The following SASH1 variants were observed in gnomAD, a reference collection of about 807,000 sequenced individuals.
The protein encoded by SASH1 is SAM and SH3 domain containing 1, also known as SAM and SH3 domain-containing protein 1.
In SASH1, 44 loss-of-function variants were observed where a neutral mutation model predicts 125.2. That is an observed-to-expected ratio of 0.35 (90% CI 0.28 to 0.45). The LOEUF is 0.45. SASH1 is among the 20% of genes least tolerant of loss of function. The probability of loss-of-function intolerance (pLI) is 1.00; values close to 1 mark genes in which losing one functional copy is unlikely to be tolerated. For missense variants in SASH1, 1,426 were observed against 1,614.5 expected (o/e 0.88, Z 2.00); for synonymous variants, 639 against 649.1 (o/e 0.98, Z 0.24).
intron 8 of SASH1, chr6:148,512,881 C>T (rs1398761581): frequency 1.6e-5 from 16 of 984,948 alleles, no homozygotes; most frequent in Admixed American, 6.2e-5. Context: ...TATAGTTAAC[C>T]ATAAGTGGGT....
At chr6:148,310,654 A>G (rs1474610155) in intron 1 of SASH1, among the ~76,000 whole-genome samples, 7 of 152,246 alleles carry the variant, frequency 4.6e-5, no homozygotes, top group Non-Finnish European at 1.0e-4. Flanking sequence ...TTGTATCCAG[A>G]ATATATATTC....
chr6:148,306,939 G>C (rs1276433928), intron 1 of SASH1, among the ~76,000 whole-genome samples: 2 of 152,008 alleles, frequency 1.3e-5, no homozygotes, highest in South Asian at 4.1e-4. Flanking sequence ...AAACATATAG[G>C]GTGACAGTTC....
the SASH1 span, among the ~76,000 whole-genome samples, chr6:148,253,996 A>G: frequency 1.0e-3 from 153 of 152,304 alleles, 1 homozygote; most frequent in Admixed American, 1.7e-3. Flanking sequence ...ACCTGAGGTC[A>G]GGAGTTCAAG....
chr6:148,404,810 C>A (rs1213217076), intron 2 of SASH1, among the ~76,000 whole-genome samples: 1 of 143,796 alleles, frequency 7.0e-6, no homozygotes, highest in Non-Finnish European at 1.5e-5. Context: ...CAACACCCCA[C>A]CCCCAGCCCC....
intron 1 of SASH1, among the ~76,000 whole-genome samples, chr6:148,382,305 A>G (rs1014184452): frequency 1.3e-5 from 2 of 152,000 alleles, no homozygotes; most frequent in African/African-American, 4.8e-5. Flanking sequence ...TCCATTGTGA[A>G]GAGTGTGACG....
chr6:148,385,529 CT>C (rs1349123098), intron 1 of SASH1, among the ~76,000 whole-genome samples: 1 of 152,106 alleles, frequency 6.6e-6, no homozygotes, highest in Admixed American at 6.5e-5. Flanking sequence ...GCTGGCCACT[CT>C]AGGTAGCTTC....
the SASH1 span, among the ~76,000 whole-genome samples, chr6:148,193,602 G>A: frequency 6.6e-6 from 1 of 152,194 alleles, no homozygotes; most frequent in Non-Finnish European, 1.5e-5. Flanking sequence ...TACAAGGGAA[G>A]CTGAGTTTTG....
the SASH1 span, among the ~76,000 whole-genome samples, chr6:148,256,469 T>C: frequency 6.6e-6 from 1 of 152,220 alleles, no homozygotes; most frequent in African/African-American, 2.4e-5. Context: ...TTCTTAAATA[T>C]CCTTAAATGG....
rs1353869940 is a variant in SASH1 at position 148,358,736 on chromosome 6, T to C, written c.156+15513T>C. ...TGTTTCCTAATGCCATGTTTTTGTT[T>C]TTTTTTTTTTTTTTTTTGAGACGGA... On this transcript the variant is annotated intron_variant, in intron 1 of 19. Coordinates refer to ENST00000367467, the MANE Select transcript of SASH1 (RefSeq NM_015278.5). Among the ~76,000 whole-genome samples, 42 of 143,208 alleles carry C rather than the reference T, an allele frequency of 2.9e-4. 1 individual carries two copies. Among genetic ancestry groups the C allele is most frequent in the African/African-American group, 1.1e-3 (42 of 38,772 alleles). The allele number at this position is 143,208 out of a possible 152,430, so 94.0% of individuals were successfully genotyped here. A position where few individuals can be genotyped will look rare whatever the true frequency, so the allele number is the denominator to read the frequency against.
chr6:148,393,876 T>TTC lies in SASH1; in HGVS notation c.285+3626_285+3627dup, dbSNP rs201347024. On this transcript the variant is annotated intron_variant, in intron 2 of 19. Coordinates refer to ENST00000367467, the MANE Select transcript of SASH1 (RefSeq NM_015278.5). ...AAGACCCCAAATTGGCATATTCAGA[T>TTC]TCTCTCTCTCTCTTTTTTTTTTTTT... 881 of 181,688 alleles carry TTC rather than the reference T, an allele frequency of 4.8e-3. 25 individuals carry two copies. Among genetic ancestry groups the TTC allele is most frequent in the African/African-American group, 0.013 (514 of 40,498 alleles). 11.3% of individuals were successfully genotyped at this position (181,688 alleles called of 1,614,324 possible).
intron 2 of SASH1, among the ~76,000 whole-genome samples, chr6:148,432,133 G>A (rs11155567): frequency 3.3e-5 from 5 of 151,898 alleles, no homozygotes; most frequent in Non-Finnish European, 7.4e-5. Context: ...GTGCCACCAC[G>A]CTGGGCTAAT....
chr6:148,519,704 C>G lies in SASH1; in HGVS notation c.1020C>G (p.Ser340Arg). ...TCACCACGTCTCCATCCTCCAGCAG[C>G]CTGGACACCTGGGGGGCTGGCCGGA... ...DSLTTSPSSS[S>R]LDTWGAGRKL... Residue 340 changes from serine (S) to arginine (R), a missense_variant, in exon 10 of 20, where the codon AGC (serine) becomes AGG (arginine). This residue lies in a region of SASH1 where 567 missense variants were observed against 575.6 expected (regional missense o/e 0.99). Coordinates refer to ENST00000367467, the MANE Select transcript of SASH1 (RefSeq NM_015278.5). This position sits in a 1 kb window ranked among gnomAD's most constrained non-coding sequence, Gnocchi z 4.8. 1 of 1,614,150 alleles carries G rather than the reference C, an allele frequency of 6.2e-7. No homozygotes were observed. Among genetic ancestry groups the G allele is most frequent in the Non-Finnish European group, 8.5e-7 (1 of 1,180,034 alleles).
At chr6:148,247,772 G>A in the SASH1 span, among the ~76,000 whole-genome samples, 1 of 152,158 alleles carries the variant, frequency 6.6e-6, no homozygotes, top group Non-Finnish European at 1.5e-5. Context: ...TTATTTCATA[G>A]AAACTAAAAC....
At chr6:148,482,425 C>A (rs1379535394) in intron 7 of SASH1, among the ~76,000 whole-genome samples, 1 of 152,118 alleles carries the variant, frequency 6.6e-6, no homozygotes, top group Non-Finnish European at 1.5e-5. Flanking sequence ...TCCAACAAGA[C>A]CATATCTGTG....
the SASH1 span, among the ~76,000 whole-genome samples, chr6:148,260,335 C>T: frequency 6.6e-6 from 1 of 151,988 alleles, no homozygotes; most frequent in East Asian, 1.9e-4. Context: ...AAGCTGGGTG[C>T]CATGACTCAT....
Position 148,519,171 on chromosome 6 carries a change from GA to G in SASH1, c.863-374del. Among the ~76,000 whole-genome samples, 1 of 152,318 alleles carries G rather than the reference GA, an allele frequency of 6.6e-6. No individual in the cohort carries two copies. The highest frequency in any genetic ancestry group is 2.1e-4 in the South Asian group (1 of 4,822). On this transcript the variant is annotated intron_variant, in intron 9 of 19. Transcript: ENST00000367467. This position sits in a 1 kb window ranked among gnomAD's most constrained non-coding sequence, Gnocchi z 4.8. Reference sequence around the variant, plus strand: ...AGCCAACATAAAGGAGTGCCTTTCAGAAGGGGGAAAGATCCTGATTCCTAGT... The same window carrying G: ...AGCCAACATAAAGGAGTGCCTTTCAGAGGGGGAAAGATCCTGATTCCTAGT...
At chr6:148,281,309 G>T (rs1227051104) in intron 1 of SASH1, among the ~76,000 whole-genome samples, 1 of 151,978 alleles carries the variant, frequency 6.6e-6, no homozygotes, top group Non-Finnish European at 1.5e-5. Flanking sequence ...ACAGCCTGGA[G>T]ATTCTGAGGG....
At chr6:148,537,613 TA>T (rs1314721814) in intron 16 of SASH1, among the ~76,000 whole-genome samples, 2 of 152,236 alleles carry the variant, frequency 1.3e-5, no homozygotes, top group Non-Finnish European at 2.9e-5. Flanking sequence ...TTATTTCTTT[TA>T]CATTTTAAGA....
At chr6:148,530,858 C>T (rs1781473158) in intron 12 of SASH1, among the ~76,000 whole-genome samples, 1 of 152,198 alleles carries the variant, frequency 6.6e-6, no homozygotes, top group Non-Finnish European at 1.5e-5. Context: ...GAGTCACTCC[C>T]ATCAGGATTC....
Sources: gnomAD v4.1 joint callset for allele counts (sites outside exome capture counted in the v4.1 genomes callset) on GRCh38, gnomAD v4.1.1 for gene constraint, gnomAD v4.1.1 regional missense constraint, Gnocchi (gnomAD v3.1) non-coding constraint, MANE v1.5 for transcripts, NCBI Gene and HGNC (gene_info 2026-07-23, HGNC 2026-07-21) for gene names.